The following EYS variants were observed in gnomAD, a reference collection of about 807,000 sequenced individuals.
EYS encodes the protein EGF-like photoreceptor maintenance factor, also known as protein eyes shut homolog.
A neutral mutation model predicts 282.1 loss-of-function variants in EYS; 250 were observed. That is an observed-to-expected ratio of 0.89 (90% CI 0.80 to 0.98). The LOEUF is 0.98. EYS is among the 50% of genes least tolerant of loss of function. The pLI, the probability that EYS is intolerant of heterozygous loss-of-function variation, is 0.00. For synonymous variants in EYS, 1,355 were observed against 1,282.9 expected (o/e 1.06, Z -1.20); for missense variants, 4,016 against 3,709.0 (o/e 1.08, Z -2.15).
At chr6:64,481,398 T>C (rs1326335652) in intron 26 of EYS, among the ~76,000 whole-genome samples, 2 of 148,190 alleles carry the variant, frequency 1.3e-5, no homozygotes, top group Non-Finnish European at 3.0e-5. Flanking sequence ...TTAACTCTGT[T>C]GCAGAGTGAA....
At chr6:64,948,559 A>G (rs941765966) in intron 14 of EYS, among the ~76,000 whole-genome samples, 4 of 146,398 alleles carry the variant, frequency 2.7e-5, no homozygotes, top group African/African-American at 9.8e-5. Flanking sequence ...TAATATTAAT[A>G]TTTAATATTT....
chr6:64,036,118 T>C (rs1418059401), intron 33 of EYS, among the ~76,000 whole-genome samples: 2 of 152,348 alleles, frequency 1.3e-5, no homozygotes, highest in East Asian at 3.9e-4. Flanking sequence ...AATACAGTAA[T>C]GTACAGTGAC....
chr6:65,193,959 A>T (rs2150241581), intron 12 of EYS, among the ~76,000 whole-genome samples: 1 of 152,004 alleles, frequency 6.6e-6, no homozygotes, highest in Middle Eastern at 3.4e-3. Flanking sequence ...TTTTCAATTA[A>T]AGGTTGGTTT....
chr6:65,534,835 C>G (rs750630934), intron 2 of EYS, among the ~76,000 whole-genome samples: 1 of 152,124 alleles, frequency 6.6e-6, no homozygotes, highest in Non-Finnish European at 1.5e-5. Flanking sequence ...TCTGAATAAA[C>G]AACTTTTACT....
chr6:64,300,481 T>C (rs554772155), intron 30 of EYS, among the ~76,000 whole-genome samples: 73 of 152,314 alleles, frequency 4.8e-4, no homozygotes, highest in Non-Finnish European at 8.8e-4. Flanking sequence ...ACTGTTGTTA[T>C]TTCTCCCTTA....
intron 30 of EYS, among the ~76,000 whole-genome samples, chr6:64,246,158 G>GAC (rs1273526146): frequency 6.8e-6 from 1 of 147,414 alleles, no homozygotes; most frequent in Non-Finnish European, 1.5e-5. Context: ...GGTGAGGTAT[G>GAC]AAAGTTTCCT....
chr6:64,328,409 C>A (rs908798898), intron 29 of EYS, among the ~76,000 whole-genome samples: 1 of 152,106 alleles, frequency 6.6e-6, no homozygotes, highest in Non-Finnish European at 1.5e-5. Flanking sequence ...GAGAGGCACT[C>A]CTAAATGGAA....
chr6:64,694,866 C>T (rs1294836863), intron 22 of EYS, among the ~76,000 whole-genome samples: 2 of 152,062 alleles, frequency 1.3e-5, no homozygotes, highest in Non-Finnish European at 2.9e-5. Context: ...AGACAAACTG[C>T]TTGTGACTTG....
intron 39 of EYS, chr6:63,787,224 A>G (rs1231500448): frequency 6.6e-6 from 1 of 152,220 alleles, no homozygotes; most frequent in Admixed American, 6.5e-5. Context: ...ACACGGAACT[A>G]TTTGAACACA....
intron 13 of EYS, among the ~76,000 whole-genome samples, chr6:65,016,976 G>A (rs185815133): frequency 6.6e-6 from 1 of 152,276 alleles, no homozygotes; most frequent in African/African-American, 2.4e-5. Context: ...CATTGTAAAA[G>A]ACCAGAGATG....
At chr6:63,785,784 G>A (rs1021859296) in intron 39 of EYS, among the ~76,000 whole-genome samples, 10 of 152,080 alleles carry the variant, frequency 6.6e-5, no homozygotes, top group African/African-American at 2.4e-4. Context: ...CGAGGCAGGC[G>A]GATGGCTTGA....
At chr6:64,822,849 A>G (rs369126253) in intron 19 of EYS, 27 bp from the exon 20 acceptor site, 4 of 1,527,734 alleles carry the variant, frequency 2.6e-6, no homozygotes, top group East Asian at 2.5e-5. Flanking sequence ...AAGGCAAAAC[A>G]TGAAACCATT....
chr6:64,906,171 G>A (rs1337541424), intron 16 of EYS, among the ~76,000 whole-genome samples: 1 of 150,504 alleles, frequency 6.6e-6, no homozygotes, highest in Admixed American at 6.6e-5. Context: ...ACCAATATAA[G>A]AAATTCTTTA....
In EYS at chr6:65,578,404, A is replaced by G. The variant is rs372483535; in HGVS notation, c.-333+61374T>C. On this transcript the variant is annotated intron_variant, in intron 2 of 42. Coordinates refer to ENST00000503581, the MANE Select transcript of EYS (RefSeq NM_001142800.2). Reference sequence around the variant, plus strand: ...AAATTCGTAGAAAACTAGAAAAGTCAAATTCATAGAAACAGAGTAAAATTG... The same window carrying G: ...AAATTCGTAGAAAACTAGAAAAGTCGAATTCATAGAAACAGAGTAAAATTG... Among the ~76,000 whole-genome samples, 21 of 151,958 alleles carry G rather than the reference A, an allele frequency of 1.4e-4. No individual in the cohort carries two copies. The East Asian group carries it at 1.7e-3, about 13-fold the overall frequency.
At chr6:65,487,438 C>CT (rs878932301) in intron 5 of EYS, among the ~76,000 whole-genome samples, 107 of 151,972 alleles carry the variant, frequency 7.0e-4, no homozygotes, top group African/African-American at 2.4e-3. Flanking sequence ...TAATCATGTG[C>CT]TTTTTGTTGT....
intron 12 of EYS, among the ~76,000 whole-genome samples, chr6:65,292,243 A>G (rs1768547094): frequency 6.6e-6 from 1 of 151,762 alleles, no homozygotes; most frequent in Admixed American, 6.6e-5. Flanking sequence ...TATAAAATCA[A>G]TGTTATTTGT....
intron 19 of EYS, among the ~76,000 whole-genome samples, chr6:64,874,712 A>T (rs1766691539): frequency 6.6e-6 from 1 of 152,114 alleles, no homozygotes; most frequent in South Asian, 2.1e-4. Flanking sequence ...TTAGAAAGTT[A>T]ATAACATATA....
chr6:63,845,350 C>T (rs1772070311), intron 36 of EYS, among the ~76,000 whole-genome samples: 1 of 151,912 alleles, frequency 6.6e-6, no homozygotes, highest in Non-Finnish European at 1.5e-5. Flanking sequence ...ACAGTTCAAA[C>T]TGCCAACTTC....
intron 14 of EYS, among the ~76,000 whole-genome samples, chr6:64,994,357 A>G (rs537032545): frequency 6.6e-6 from 1 of 152,046 alleles, no homozygotes; most frequent in African/African-American, 2.4e-5. Flanking sequence ...TGATGCTGCA[A>G]TACAATCAAA....
Sources: gnomAD v4.1 joint callset for allele counts (sites outside exome capture counted in the v4.1 genomes callset) on GRCh38, gnomAD v4.1.1 for gene constraint, MANE v1.5 for transcripts, NCBI Gene and HGNC (gene_info 2026-07-23, HGNC 2026-07-21) for gene names.